Variants in CTNNA3 observed in about 807,000 individuals in gnomAD.
CTNNA3 encodes catenin alpha 3, also known as catenin alpha-3.
Under a neutral mutation model 95.7 loss-of-function variants are expected in CTNNA3, and 76 were observed. The observed-to-expected ratio is 0.79, with a 90% CI of 0.66 to 0.96. The LOEUF (loss-of-function observed/expected upper bound fraction) is 0.96, where lower values mean the gene tolerates loss of function less well. CTNNA3 is among the 40% of genes least tolerant of loss of function. The pLI is 0.00. For missense variants in CTNNA3, 1,191 were observed against 1,089.8 expected (o/e 1.09, Z -1.31); for synonymous variants, 431 against 374.4 (o/e 1.15, Z -1.74).
chr10:66,441,335 T>A (rs2093374246), intron 11 of CTNNA3, among the ~76,000 whole-genome samples: 1 of 152,220 alleles, frequency 6.6e-6, no homozygotes, highest in African/African-American at 2.4e-5. Context: ...ACTGGTAAGT[T>A]GCTTTCCTGA....
chr10:65,923,308 G>T (rs1439544360), intron 17 of CTNNA3, among the ~76,000 whole-genome samples: 1 of 152,168 alleles, frequency 6.6e-6, no homozygotes, highest in Non-Finnish European at 1.5e-5. Context: ...CCTCAAGATT[G>T]ACCTAATGGT....
chr10:66,311,729 A>C (rs2092023621), intron 12 of CTNNA3, among the ~76,000 whole-genome samples: 1 of 152,214 alleles, frequency 6.6e-6, no homozygotes, highest in African/African-American at 2.4e-5. Flanking sequence ...AAATTTCTAC[A>C]TGGGGCTCCT....
At chr10:67,168,863 AT>A (rs1861894156) in intron 7 of CTNNA3, among the ~76,000 whole-genome samples, 1 of 152,238 alleles carries the variant, frequency 6.6e-6, no homozygotes, top group Admixed American at 6.5e-5. Context: ...AGATGACATG[AT>A]TCTATATGTA....
chr10:67,272,256 T>C (rs188488139), intron 5 of CTNNA3, among the ~76,000 whole-genome samples: 247 of 152,236 alleles, frequency 1.6e-3, no homozygotes, highest in African/African-American at 5.2e-3. Flanking sequence ...CCAATTTTTT[T>C]AAATGTCCAT....
chr10:66,549,538 C>G (rs2659987), intron 10 of CTNNA3, among the ~76,000 whole-genome samples: 61 of 152,226 alleles, frequency 4.0e-4, no homozygotes, highest in African/African-American at 1.4e-3. Context: ...CTTACTTGCT[C>G]ACTTACTTTC....
At chr10:66,723,931 T>C (rs993433758) in intron 9 of CTNNA3, among the ~76,000 whole-genome samples, 4 of 152,184 alleles carry the variant, frequency 2.6e-5, no homozygotes, top group African/African-American at 9.6e-5. Context: ...GAAAATTTAA[T>C]TTGAGAGCTT....
intron 7 of CTNNA3, among the ~76,000 whole-genome samples, chr10:66,897,956 G>A (rs1465706792): frequency 1.3e-5 from 2 of 152,074 alleles, no homozygotes; most frequent in African/African-American, 4.8e-5. Flanking sequence ...GTCCTGGTCA[G>A]GTCAGAAAAT....
At chr10:66,440,432 T>G (rs1437824435) in intron 11 of CTNNA3, among the ~76,000 whole-genome samples, 1 of 152,198 alleles carries the variant, frequency 6.6e-6, no homozygotes, top group Non-Finnish European at 1.5e-5. Flanking sequence ...TGCATGGTAT[T>G]TTCTCTGTGT....
chr10:66,076,383 A>G (rs923605821), intron 14 of CTNNA3, among the ~76,000 whole-genome samples: 2 of 151,738 alleles, frequency 1.3e-5, no homozygotes, highest in Non-Finnish European at 3.0e-5. Context: ...TATCCTAAGC[A>G]TACTAAATTG....
chr10:66,143,920 TA>T (rs2083742792), intron 13 of CTNNA3, among the ~76,000 whole-genome samples: 1 of 152,230 alleles, frequency 6.6e-6, no homozygotes, highest in Admixed American at 6.5e-5. Context: ...GGTGCTTAAT[TA>T]AAAGGATGGC....
At chr10:66,547,001 T>G (rs1842053923) in intron 10 of CTNNA3, among the ~76,000 whole-genome samples, 1 of 152,190 alleles carries the variant, frequency 6.6e-6, no homozygotes, top group Non-Finnish European at 1.5e-5. Flanking sequence ...GTTTTGTTTT[T>G]CTTGCTCTCT....
At chr10:66,220,749 A>G (rs900396985) in intron 13 of CTNNA3, among the ~76,000 whole-genome samples, 1 of 151,898 alleles carries the variant, frequency 6.6e-6, no homozygotes. Flanking sequence ...GGGCAGCCAA[A>G]CTCTTCTCCA....
chr10:67,507,550 G>C (rs964447581), intron 5 of CTNNA3, among the ~76,000 whole-genome samples: 2 of 140,644 alleles, frequency 1.4e-5, no homozygotes, highest in Non-Finnish European at 3.1e-5. Context: ...AAAAAGGAAA[G>C]AAACAAAGAA....
At chr10:66,280,829 T>A (rs1313030730) in intron 12 of CTNNA3, among the ~76,000 whole-genome samples, 1 of 80,998 alleles carries the variant, frequency 1.2e-5, no homozygotes, top group Non-Finnish European at 2.4e-5. Context: ...ATTAAAGGCA[T>A]TTTTTTTTTC....
At chr10:66,878,053 C>T (rs1880046) in intron 7 of CTNNA3, among the ~76,000 whole-genome samples, 64,617 of 151,860 alleles carry the variant, frequency 0.43, 14,053 homozygotes, top group Non-Finnish European at 0.46. Context: ...GCCAGGCACT[C>T]GGTTTTCGGA....
At chr10:67,227,441 G>A (rs897741887) in intron 5 of CTNNA3, among the ~76,000 whole-genome samples, 2 of 152,116 alleles carry the variant, frequency 1.3e-5, no homozygotes, top group Non-Finnish European at 2.9e-5. Context: ...AGCAACAGCA[G>A]CCAAAAGAGA....
chr10:66,144,951 A>T (rs945297335), intron 13 of CTNNA3, among the ~76,000 whole-genome samples: 10 of 152,180 alleles, frequency 6.6e-5, no homozygotes, highest in Admixed American at 1.3e-4. Flanking sequence ...TATTTATTTC[A>T]GTATTTCTCT....
At chr10:67,239,394 G>C (rs1041268182) in intron 5 of CTNNA3, among the ~76,000 whole-genome samples, 3 of 149,216 alleles carry the variant, frequency 2.0e-5, no homozygotes, top group Non-Finnish European at 4.4e-5. Context: ...AGACATAAAA[G>C]AGTATGTATG....
chr10:67,721,164 T>G (rs904231452), intron 1 of CTNNA3, among the ~76,000 whole-genome samples: 1 of 152,182 alleles, frequency 6.6e-6, no homozygotes, highest in African/African-American at 2.4e-5. Flanking sequence ...GGAGTATCTC[T>G]GTGGTGTTCT....
Sources: allele counts gnomAD v4.1 joint callset (sites outside exome capture counted in the v4.1 genomes callset), GRCh38; gene constraint gnomAD v4.1.1; transcripts MANE v1.5; gene names NCBI Gene and HGNC (gene_info 2026-07-23, HGNC 2026-07-21).